Variants in BCAR3 observed in about 807,000 individuals in gnomAD.
BCAR3 encodes breast cancer anti-estrogen resistance protein 3.
In BCAR3, 37 loss-of-function variants were observed where a neutral mutation model predicts 80.1. That is an observed-to-expected ratio of 0.46 (90% CI 0.36 to 0.61). BCAR3 has a LOEUF of 0.61. BCAR3 is among the 20% of genes least tolerant of loss of function. The probability of loss-of-function intolerance (pLI) is 0.00; values close to 1 mark genes in which losing one functional copy is unlikely to be tolerated. For missense variants in BCAR3, 978 were observed against 1,068.2 expected (o/e 0.92, Z 1.18); for synonymous variants, 389 against 418.9 (o/e 0.93, Z 0.87).
chr1:93,844,212 CAGG>C (rs1334228371), intron 2 of BCAR3, among the ~76,000 whole-genome samples: 2 of 152,138 alleles, frequency 1.3e-5, no homozygotes, highest in African/African-American at 4.8e-5. Context: ...GAGGCTGAGG[CAGG>C]AGAATTGCTT....
intron 2 of BCAR3, among the ~76,000 whole-genome samples, chr1:93,815,991 A>C (rs944463145): frequency 6.6e-6 from 1 of 152,208 alleles, no homozygotes; most frequent in Non-Finnish European, 1.5e-5. Context: ...AAGAATGTGA[A>C]TGGAACATTC....
At chr1:93,770,088 C>T (rs939400204) in intron 2 of BCAR3, among the ~76,000 whole-genome samples, 4 of 152,160 alleles carry the variant, frequency 2.6e-5, no homozygotes, top group Admixed American at 2.6e-4. Context: ...AGGGGAAAGG[C>T]TTTTCAGCAA....
At chr1:93,679,267 TTATC>T (rs1648637167) in intron 1 of BCAR3, among the ~76,000 whole-genome samples, 1 of 152,246 alleles carries the variant, frequency 6.6e-6, no homozygotes, top group Non-Finnish European at 1.5e-5. Flanking sequence ...GGGGCTGCTC[TTATC>T]TATCTTGTCA....
upstream of BCAR3, among the ~76,000 whole-genome samples, chr1:93,685,353 A>ATGTG (rs10606446): frequency 0.029 from 4,397 of 150,314 alleles, 205 homozygotes; most frequent in African/African-American, 0.1. Context: ...CAGAGTTTCT[A>ATGTG]TGTGTGTGTG....
At chr1:93,678,994 T>C (rs562769449) in intron 1 of BCAR3, among the ~76,000 whole-genome samples, 1 of 152,330 alleles carries the variant, frequency 6.6e-6, no homozygotes, top group African/African-American at 2.4e-5. Flanking sequence ...TTATGTACCA[T>C]TTGATTTTTT....
At chr1:93,641,863 C>T (rs1186000480) in intron 3 of BCAR3, among the ~76,000 whole-genome samples, 2 of 152,190 alleles carry the variant, frequency 1.3e-5, no homozygotes, top group African/African-American at 2.4e-5. Context: ...AAAAACCTTA[C>T]TTGGCAGCAA....
chr1:93,567,016 C>G (rs1453612373), intron 11 of BCAR3, among the ~76,000 whole-genome samples: 2 of 152,186 alleles, frequency 1.3e-5, no homozygotes, highest in Non-Finnish European at 2.9e-5. Flanking sequence ...GCTTGAACCA[C>G]CACGCCCGGC....
chr1:93,576,925 T>C (rs1293505089), intron 7 of BCAR3, among the ~76,000 whole-genome samples: 1 of 151,926 alleles, frequency 6.6e-6, no homozygotes, highest in East Asian at 1.9e-4. Flanking sequence ...GAGGCCAAGG[T>C]GGGGGGACTG....
At chr1:93,666,169 C>G (rs1647902331) in intron 2 of BCAR3, among the ~76,000 whole-genome samples, 1 of 152,158 alleles carries the variant, frequency 6.6e-6, no homozygotes, top group Non-Finnish European at 1.5e-5. Context: ...AGGTAGATTT[C>G]CTTTTGCCCT....
At chr1:93,833,217 C>T (rs766439098) in intron 2 of BCAR3, among the ~76,000 whole-genome samples, 6 of 152,090 alleles carry the variant, frequency 3.9e-5, no homozygotes, top group Non-Finnish European at 8.8e-5. Context: ...TTTTTATTAG[C>T]GATTTTCAAA....
chr1:93,777,417 C>CTCCTTT (rs1652602928), intron 2 of BCAR3, among the ~76,000 whole-genome samples: 1 of 147,836 alleles, frequency 6.8e-6, no homozygotes, highest in African/African-American at 2.6e-5. Context: ...CCTCCTCTTC[C>CTCCTTT]TCCTCCTCTT....
intron 2 of BCAR3, among the ~76,000 whole-genome samples, chr1:93,729,053 A>G (rs996972102): frequency 3.9e-5 from 6 of 152,196 alleles, no homozygotes; most frequent in African/African-American, 1.4e-4. Flanking sequence ...AACACATGGT[A>G]TATCTGCTGT....
At chr1:93,819,323 C>T (rs1654133851) in intron 2 of BCAR3, among the ~76,000 whole-genome samples, 2 of 152,232 alleles carry the variant, frequency 1.3e-5, no homozygotes, top group African/African-American at 2.4e-5. Context: ...CTCGGCCTCC[C>T]GAAGTGCTGG....
chr1:93,832,045 C>T (rs1266034904), intron 2 of BCAR3, among the ~76,000 whole-genome samples: 1 of 152,182 alleles, frequency 6.6e-6, no homozygotes, highest in African/African-American at 2.4e-5. Flanking sequence ...AGAAGGCCAT[C>T]TTATTCTCGA....
intron 3 of BCAR3, among the ~76,000 whole-genome samples, chr1:93,629,672 T>TA (rs1392590038): frequency 6.6e-6 from 1 of 152,216 alleles, no homozygotes; most frequent in African/African-American, 2.4e-5. Flanking sequence ...GGGCAGAGCT[T>TA]AACAGCAAAT....
chr1:93,634,051 A>G (rs557420139), intron 3 of BCAR3, among the ~76,000 whole-genome samples: 1 of 152,298 alleles, frequency 6.6e-6, no homozygotes, highest in South Asian at 2.1e-4. Flanking sequence ...CAATCACGAT[A>G]TTTCTATTTC....
chr1:93,702,702 A>G (rs1407332352), intron 3 of BCAR3, among the ~76,000 whole-genome samples: 1 of 152,224 alleles, frequency 6.6e-6, no homozygotes, highest in Admixed American at 6.5e-5. Flanking sequence ...TGGAAACCGC[A>G]CACCGCCCAG....
At chr1:93,618,769 T>A (rs1038886524) in intron 3 of BCAR3, among the ~76,000 whole-genome samples, 2 of 152,224 alleles carry the variant, frequency 1.3e-5, no homozygotes, top group African/African-American at 4.8e-5. Context: ...TCTGATGATC[T>A]TGGCCTTCTC....
intron 2 of BCAR3, among the ~76,000 whole-genome samples, chr1:93,814,148 A>G (rs1319186369): frequency 3.3e-5 from 5 of 152,192 alleles, no homozygotes; most frequent in Admixed American, 2.0e-4. Context: ...GATCTCTGCA[A>G]AGGCAGTAAA....
Sources: allele counts gnomAD v4.1 joint callset (sites outside exome capture counted in the v4.1 genomes callset), GRCh38; gene constraint gnomAD v4.1.1; transcripts MANE v1.5; gene names NCBI Gene and HGNC (gene_info 2026-07-23, HGNC 2026-07-21).